The following GLT1D1 variants were observed in gnomAD, a reference collection of about 807,000 sequenced individuals.
GLT1D1 encodes glycosyltransferase 1 domain-containing protein 1.
Under a neutral mutation model 28.7 loss-of-function variants are expected in GLT1D1, and 21 were observed. The ratio of observed to expected loss-of-function variants is 0.73; its 90% CI spans 0.52 to 1.05. GLT1D1 has a LOEUF of 1.05. GLT1D1 is among the 50% of genes least tolerant of loss of function. The pLI, the probability that GLT1D1 is intolerant of heterozygous loss-of-function variation, is 0.00. For missense variants in GLT1D1, 343 were observed against 330.6 expected, an observed-to-expected ratio of 1.04 and a Z score of -0.29; for synonymous variants, 147 against 124.8, an observed-to-expected ratio of 1.18 and a Z score of -1.19.
rs926442059 is a variant in GLT1D1 at position 128,885,376 on chromosome 12, C to G, written c.218-3263C>G. Reference sequence around the variant, plus strand: ...TAGCTGGGATTAAAGGCATGTGCTACCACACCCAGCTAATTTTTGTATTTT... The same window carrying G: ...TAGCTGGGATTAAAGGCATGTGCTAGCACACCCAGCTAATTTTTGTATTTT... On this transcript the variant is annotated intron_variant, in intron 2 of 7. Transcript: ENST00000281703. Among the ~76,000 whole-genome samples, 8 of 152,210 alleles carry G rather than the reference C, an allele frequency of 5.3e-5. No individual in the cohort carries two copies. In the South Asian group the frequency reaches 8.3e-4, roughly 16 times the overall value.
intron 4 of GLT1D1, among the ~76,000 whole-genome samples, chr12:128,905,117 C>A (rs146727374): frequency 1.2e-4 from 19 of 152,304 alleles, no homozygotes; most frequent in African/African-American, 4.3e-4. Flanking sequence ...CCACTTACGC[C>A]GTTTCCCAGA....
intron 4 of GLT1D1, among the ~76,000 whole-genome samples, chr12:128,909,856 T>C (rs1434822142): frequency 2.6e-5 from 4 of 152,248 alleles, no homozygotes; most frequent in African/African-American, 9.6e-5. Flanking sequence ...GTGTTTGCCA[T>C]TGTGTGCACT....
chr12:128,873,882 C>T (rs1320816990), intron 1 of GLT1D1, among the ~76,000 whole-genome samples: 11 of 92,388 alleles, frequency 1.2e-4, no homozygotes, highest in South Asian at 4.3e-4. Context: ...TTCCTTCCTT[C>T]CTCTCTCTTG....
chr12:128,934,256 T>C (rs2135465426), intron 4 of GLT1D1, among the ~76,000 whole-genome samples: 1 of 149,828 alleles, frequency 6.7e-6, no homozygotes, highest in Non-Finnish European at 1.5e-5. Flanking sequence ...CAGGCTGGAT[T>C]GAAGTGGCAC....
At chr12:128,961,181 A>G (rs1877905386) in intron 7 of GLT1D1, among the ~76,000 whole-genome samples, 1 of 152,222 alleles carries the variant, frequency 6.6e-6, no homozygotes, top group South Asian at 2.1e-4. Flanking sequence ...ACAGATATAA[A>G]TATGTGAGGA....
chr12:128,908,800 T>C (rs1349564360), intron 4 of GLT1D1, among the ~76,000 whole-genome samples: 1 of 151,874 alleles, frequency 6.6e-6, no homozygotes, highest in Non-Finnish European at 1.5e-5. Flanking sequence ...ATACAAAAAA[T>C]TAGCCGGGCG....
chr12:128,904,596 A>G lies in GLT1D1; in HGVS notation c.375+5309A>G, dbSNP rs573063795. Reference sequence around the variant, plus strand: ...ACAGCCATGTGAGTCACTGGTGTCCAGGTGATGGTTAAAGCATGAAAACAG... The same window carrying G: ...ACAGCCATGTGAGTCACTGGTGTCCGGGTGATGGTTAAAGCATGAAAACAG... On this transcript the variant is annotated intron_variant, in intron 4 of 7. Transcript: ENST00000281703. Among the ~76,000 whole-genome samples the G allele has an allele frequency of 5.3e-4, 80 of 149,830 alleles. 4 individuals are homozygous for G. The highest frequency in any genetic ancestry group is 2.0e-3 in the African/African-American group (79 of 40,082).
At chr12:128,965,732 A>AAAAAAAG (rs75853652) in intron 7 of GLT1D1, among the ~76,000 whole-genome samples, 5 of 104,608 alleles carry the variant, frequency 4.8e-5, no homozygotes, top group East Asian at 2.7e-4. Context: ...AAAAAAAAAA[A>AAAAAAAG]AAAGAAAAAG....
chr12:128,970,993 G>A (rs1045994396), intron 7 of GLT1D1, among the ~76,000 whole-genome samples: 1 of 152,164 alleles, frequency 6.6e-6, no homozygotes, highest in East Asian at 1.9e-4. Context: ...CAGAGGGCGT[G>A]TTTTTTTATT....
Position 128,864,295 on chromosome 12 carries a change from G to C in GLT1D1, c.68+10646G>C, listed in dbSNP as rs1283790616. On this transcript the variant is annotated intron_variant, in intron 1 of 7. Transcript: ENST00000281703. ...TTTGCTTAGTCCTGCACTAGGGGTG[G>C]GGCAAACTGGGATATAACATGATCA... is the stretch of plus-strand genomic sequence containing the variant. The C allele has an allele frequency of 9.2e-6, 4 of 433,750 alleles. No individual in the cohort carries two copies. The East Asian group carries it at 1.4e-4, about 15-fold the overall frequency. 26.9% of individuals were successfully genotyped at this position (433,750 alleles called of 1,614,324 possible). A position where few individuals can be genotyped will look rare whatever the true frequency, so the allele number is the denominator to read the frequency against.
At chr12:128,971,102 G>A (rs780109095) in intron 7 of GLT1D1, among the ~76,000 whole-genome samples, 12 of 152,110 alleles carry the variant, frequency 7.9e-5, no homozygotes, top group East Asian at 3.9e-4. Flanking sequence ...CAGTCATCCC[G>A]CCCAATCATT....
At chr12:128,941,053 C>T (rs1301339408) in intron 4 of GLT1D1, among the ~76,000 whole-genome samples, 1 of 152,184 alleles carries the variant, frequency 6.6e-6, no homozygotes, top group East Asian at 1.9e-4. Flanking sequence ...CCTGCTTTGG[C>T]CATTTCATAG....
chr12:128,981,813 A>AG (rs1307121960), intron 7 of GLT1D1, among the ~76,000 whole-genome samples: 9 of 152,170 alleles, frequency 5.9e-5, no homozygotes, highest in African/African-American at 1.7e-4. Context: ...ACCCTAGGAA[A>AG]GAGGTATGTG....
chr12:128,953,810 A>G (rs1593183431), intron 6 of GLT1D1, among the ~76,000 whole-genome samples: 2 of 151,546 alleles, frequency 1.3e-5, no homozygotes, highest in African/African-American at 2.4e-5. Context: ...CAGTGACGCA[A>G]TCTCGGCTCA....
rs967668133 is a variant in GLT1D1, at chr12:128,983,846, T to G, written c.*756T>G. On this transcript the variant is annotated 3_prime_UTR_variant, in exon 8 of 8. Transcript: ENST00000281703. This position sits in a 1 kb window ranked among gnomAD's most constrained non-coding sequence, Gnocchi z 4.7. ...TTGGGTCCAGGGTGGGCTCTTCCCC[T>G]TCCCACATCAGGGACCCGGGGATGG... The G allele has an allele frequency of 2.1e-4, 32 of 152,206 alleles. No homozygotes were observed. Among genetic ancestry groups the G allele is most frequent in the African/African-American group, 7.7e-4 (32 of 41,442 alleles). 9.4% of individuals were successfully genotyped at this position (152,206 alleles called of 1,614,324 possible). A position where few individuals can be genotyped will look rare whatever the true frequency, so the allele number is the denominator to read the frequency against.
At position 128,983,221 on chromosome 12, in the gene GLT1D1, T is replaced by C; in HGVS notation, c.*131T>C. On this transcript the variant is annotated 3_prime_UTR_variant, in exon 8 of 8. Coordinates refer to ENST00000281703, the MANE Select transcript of GLT1D1 (RefSeq NM_144669.3). This position sits in a 1 kb window ranked among gnomAD's most constrained non-coding sequence, Gnocchi z 4.7. ...GCCTCAGCGGAATCCTAGAAAATGT[T>C]AGTCGTGAGTCCCCAGAGCCACTGC... 1 of 765,690 alleles carries C rather than the reference T, an allele frequency of 1.3e-6. No individual in the cohort carries two copies. Among genetic ancestry groups the C allele is most frequent in the Non-Finnish European group, 2.1e-6 (1 of 468,938 alleles). The allele number at this position is 765,690 out of a possible 1,614,324, so 47.4% of individuals were successfully genotyped here. A position where few individuals can be genotyped will look rare whatever the true frequency, so the allele number is the denominator to read the frequency against.
intron 2 of GLT1D1, among the ~76,000 whole-genome samples, chr12:128,879,392 T>TTCTTTCTTTCTC (rs1341653692): frequency 1.4e-5 from 1 of 72,372 alleles, no homozygotes; most frequent in Admixed American, 1.5e-4. Context: ...CTTTCTTTCT[T>TTCTTTCTTTCTC]TCTTTCTTTC....
In GLT1D1 at chr12:128,950,478, CG is replaced by C. The variant is rs566668536; in HGVS notation, c.540+3021del. 3.3e-5 allele frequency among the ~76,000 whole-genome samples: 5 copies of C among 152,270 alleles called. No individual in the cohort carries two copies. The East Asian group carries it at 9.6e-4, about 29-fold the overall frequency. On this transcript the variant is annotated intron_variant, in intron 6 of 7. Transcript: ENST00000281703. ...AGCAATGCTTGTTTGACTTGACAGA[CG>C]CTTAGTAAAAACCATTAAAATGCAA...
chr12:128,858,956 C>T (rs1473001172), intron 1 of GLT1D1, among the ~76,000 whole-genome samples: 1 of 152,194 alleles, frequency 6.6e-6, no homozygotes. Context: ...TAGCTTGGAA[C>T]TGCCCTTCCT....
Sources: gnomAD v4.1 joint callset for allele counts (sites outside exome capture counted in the v4.1 genomes callset) on GRCh38, gnomAD v4.1.1 for gene constraint, Gnocchi (gnomAD v3.1) non-coding constraint, MANE v1.5 for transcripts, NCBI Gene and HGNC (gene_info 2026-07-23, HGNC 2026-07-21) for gene names.